The following MAMLD1 variants were observed in gnomAD, a reference collection of about 807,000 sequenced individuals.
MAMLD1 encodes the protein mastermind like domain containing 1.
MAMLD1 carries 14 observed loss-of-function variants against 45.0 expected under a neutral mutation model. The ratio of observed to expected loss-of-function variants is 0.31; its 90% CI spans 0.21 to 0.49. MAMLD1 has a LOEUF of 0.49. MAMLD1 is among the 20% of genes least tolerant of loss of function. The probability of loss-of-function intolerance (pLI) is 0.99; values close to 1 mark genes in which losing one functional copy is unlikely to be tolerated. For synonymous variants in MAMLD1, 254 were observed against 247.8 expected (o/e 1.02, Z -0.24); for missense variants, 543 against 603.6 (o/e 0.90, Z 1.05).
intron 1 of MAMLD1, among the ~76,000 whole-genome samples, chrX:150,389,830 A>C (rs2033099024): frequency 8.9e-6 from 1 of 112,230 alleles, no homozygotes; most frequent in South Asian, 3.7e-4. Context: ...GTACATACAC[A>C]TCTAGGACCA....
chrX:150,430,770 C>A (rs2034911124), intron 1 of MAMLD1, among the ~76,000 whole-genome samples: 1 of 111,855 alleles, frequency 8.9e-6, no homozygotes, highest in Admixed American at 9.5e-5. Flanking sequence ...ATCAGTTTGG[C>A]GTATCTACGT....
Position 150,471,016 on chromosome X carries a change from A to C in MAMLD1, c.1443A>C (p.Arg481=), listed in dbSNP as rs782076071. 1.7e-6 allele frequency: 2 copies of C among 1,211,605 alleles called. No individual in the cohort carries two copies. Among genetic ancestry groups the C allele is most frequent in the Admixed American group, 4.3e-5 (2 of 46,043 alleles). ...QSFTPQCSLI[R]SLTPTSNLLS... is the part of the protein sequence containing the mutation. Reference sequence around the variant, plus strand: ...TCACCCCACAGTGTTCCCTGATCCGAAGCCTCACTCCCACCAGTAATCTTC... The same window carrying C: ...TCACCCCACAGTGTTCCCTGATCCGCAGCCTCACTCCCACCAGTAATCTTC... The change falls in exon 4 of 8, where the codon CGA becomes CGC. Residue 481 remains arginine, a synonymous_variant. Coordinates refer to ENST00000370401, the MANE Select transcript of MAMLD1 (RefSeq NM_005491.5).
chrX:150,394,327 A>G (rs2033332122), intron 1 of MAMLD1, among the ~76,000 whole-genome samples: 1 of 108,832 alleles, frequency 9.2e-6, no homozygotes, highest in South Asian at 3.9e-4. Context: ...CCAGTAGCAC[A>G]CTGTCTTGAT....
intron 1 of MAMLD1, among the ~76,000 whole-genome samples, chrX:150,379,339 T>C (rs2032485842): frequency 8.9e-6 from 1 of 112,053 alleles, no homozygotes; most frequent in Admixed American, 9.5e-5. Flanking sequence ...CCCATGACTC[T>C]ATGAAGAAGC....
intron 3 of MAMLD1, among the ~76,000 whole-genome samples, chrX:150,465,339 T>C (rs1645279716): frequency 8.9e-6 from 1 of 112,530 alleles, no homozygotes; most frequent in Admixed American, 9.4e-5. Flanking sequence ...AGAGTTGCCA[T>C]ATGTCATTGT....
chrX:150,457,425 A>G (rs782193176), intron 2 of MAMLD1, among the ~76,000 whole-genome samples: 23 of 112,446 alleles, frequency 2.0e-4, no homozygotes, highest in Non-Finnish European at 3.9e-4. Context: ...TTCCTCAAGA[A>G]GTTAGTTCAA....
intron 1 of MAMLD1, among the ~76,000 whole-genome samples, chrX:150,442,971 T>C (rs908469464): frequency 8.9e-6 from 1 of 111,927 alleles, no homozygotes; most frequent in Non-Finnish European, 1.9e-5. Flanking sequence ...TGAAAAATAT[T>C]ATGCTACTTC....
intron 1 of MAMLD1, among the ~76,000 whole-genome samples, chrX:150,440,941 T>C (rs1274019193): frequency 1.9e-5 from 2 of 104,588 alleles, no homozygotes; most frequent in African/African-American, 6.8e-5. Context: ...TATTATTATT[T>C]ATTATTAAAA....
At chrX:150,410,581 G>A (rs1935888114) in intron 1 of MAMLD1, among the ~76,000 whole-genome samples, 1 of 112,343 alleles carries the variant, frequency 8.9e-6, no homozygotes, top group Non-Finnish European at 1.9e-5. Context: ...CTGGAATGGA[G>A]GCTTGGAGGA....
chrX:150,493,289 G>A (rs1181621279), intron 5 of MAMLD1, among the ~76,000 whole-genome samples: 1 of 111,550 alleles, frequency 9.0e-6, no homozygotes, highest in African/African-American at 3.3e-5. Flanking sequence ...AGCACGTCCA[G>A]AAGGAGCGTG....
At chrX:150,465,904 G>T (rs182028606) in intron 3 of MAMLD1, among the ~76,000 whole-genome samples, 1 of 112,379 alleles carries the variant, frequency 8.9e-6, no homozygotes, top group Non-Finnish European at 1.9e-5. Flanking sequence ...GGGACCTTCC[G>T]CCCCTACCAG....
intron 1 of MAMLD1, among the ~76,000 whole-genome samples, chrX:150,369,089 T>A (rs2031754909): frequency 8.9e-6 from 1 of 112,538 alleles, no homozygotes; most frequent in Admixed American, 9.4e-5. Flanking sequence ...TTTTTTCCAA[T>A]TCTGTGAAGA....
chrX:150,503,356 C>T lies in MAMLD1; in HGVS notation c.2123C>T (p.Ala708Val), dbSNP rs782695323. The change falls in exon 6 of 8, where the codon GCC (alanine) becomes GTC (valine). Residue 708 changes from alanine (A) to valine (V), a missense_variant. Coordinates refer to ENST00000370401, the MANE Select transcript of MAMLD1 (RefSeq NM_005491.5). ...GGGCGACAGCCCCCGTCCTGCCAGGCCCTGGGGAGTGAGTCCTTCCTGCCC... is the reference window on the plus strand; with the variant it reads ...GGGCGACAGCCCCCGTCCTGCCAGGTCCTGGGGAGTGAGTCCTTCCTGCCC... Reference protein sequence around the residue: ...SLGRQPPSCQALGSESFLPGS... With the variant: ...SLGRQPPSCQVLGSESFLPGS... The T allele has an allele frequency of 3.3e-6, 4 of 1,211,690 alleles. No individual in the cohort carries two copies. The highest frequency in any genetic ancestry group is 5.9e-5 in the East Asian group (2 of 33,849).
chrX:150,496,798 G>A (rs977807724), intron 5 of MAMLD1, among the ~76,000 whole-genome samples: 2 of 112,091 alleles, frequency 1.8e-5, no homozygotes, highest in Non-Finnish European at 3.8e-5. Flanking sequence ...CCTCAGAAGT[G>A]GGAAGTATAC....
intron 1 of MAMLD1, among the ~76,000 whole-genome samples, chrX:150,415,192 T>A (rs1479689030): frequency 8.9e-6 from 1 of 112,773 alleles, no homozygotes; most frequent in Non-Finnish European, 1.9e-5. Context: ...AACATTTTAA[T>A]GGAAAGCAAA....
At chrX:150,380,857 C>T (rs1252079951) in intron 1 of MAMLD1, among the ~76,000 whole-genome samples, 1 of 109,087 alleles carries the variant, frequency 9.2e-6, no homozygotes, top group African/African-American at 3.4e-5. Flanking sequence ...CCACACTTGG[C>T]TAAATTTTTT....
intron 1 of MAMLD1, among the ~76,000 whole-genome samples, chrX:150,389,652 A>C (rs2033091351): frequency 8.9e-6 from 1 of 112,147 alleles, no homozygotes; most frequent in Non-Finnish European, 1.9e-5. Context: ...AGAACCTTTC[A>C]GTTGACGATG....
chrX:150,477,684 A>G (rs1557406919), intron 5 of MAMLD1, among the ~76,000 whole-genome samples: 1 of 111,390 alleles, frequency 9.0e-6, no homozygotes, highest in Non-Finnish European at 1.9e-5. Context: ...CTGAACTTCT[A>G]GGAGTTACGT....
chrX:150,466,500 C>T (rs969904016), intron 3 of MAMLD1, among the ~76,000 whole-genome samples: 1 of 112,389 alleles, frequency 8.9e-6, no homozygotes, highest in Admixed American at 9.4e-5. Flanking sequence ...CCAAACCCCA[C>T]CCCTGAGAAA....
Sources: gnomAD v4.1 joint callset for allele counts (sites outside exome capture counted in the v4.1 genomes callset) on GRCh38, gnomAD v4.1.1 for gene constraint, MANE v1.5 for transcripts, NCBI Gene and HGNC (gene_info 2026-07-23, HGNC 2026-07-21) for gene names.